SLC8A1: variants seen among roughly 807,000 people sequenced by gnomAD.
The protein encoded by SLC8A1 is solute carrier family 8 member A1.
SLC8A1 carries 18 observed loss-of-function variants against 68.3 expected under a neutral mutation model. That is an observed-to-expected ratio of 0.26 (90% confidence interval 0.18 to 0.39). The LOEUF is 0.39. Ranked by LOEUF, SLC8A1 falls within the 10% of genes least tolerant of loss-of-function variation. The pLI, the probability that SLC8A1 is intolerant of heterozygous loss-of-function variation, is 1.00. For synonymous variants in SLC8A1, 475 were observed against 415.5 expected, an observed-to-expected ratio of 1.14 and a Z score of -1.74; for missense variants, 985 against 1,156.7, an observed-to-expected ratio of 0.85 and a Z score of 2.15.
At chr2:40,140,040 C>T (rs1003429821) in intron 6 of SLC8A1, among the ~76,000 whole-genome samples, 3 of 152,118 alleles carry the variant, frequency 2.0e-5, no homozygotes, top group Admixed American at 6.6e-5. Context: ...GAGAAATAAC[C>T]CTCTTTTGAA....
exon 2 of SLC8A1, chr2:40,429,210 C>T (rs1309674920): frequency 6.2e-7 from 1 of 1,613,576 alleles, no homozygotes; most frequent in Non-Finnish European, 8.5e-7. Context: ...TACTTTTTTG[C>T]TGCTGACTTA....
At chr2:40,427,698 C>G (rs1026920281) in intron 2 of SLC8A1, among the ~76,000 whole-genome samples, 1 of 152,118 alleles carries the variant, frequency 6.6e-6, no homozygotes, top group African/African-American at 2.4e-5. Context: ...TAAAGTACCA[C>G]GAGGAAGAAT....
chr2:40,501,812 C>A (rs1432346570), intron 1 of SLC8A1, among the ~76,000 whole-genome samples: 2 of 152,016 alleles, frequency 1.3e-5, no homozygotes, highest in African/African-American at 4.8e-5. Context: ...CTGACAAAAG[C>A]TTTACAACAA....
intron 1 of SLC8A1, among the ~76,000 whole-genome samples, chr2:40,439,500 G>C (rs1007161456): frequency 2.0e-5 from 3 of 152,078 alleles, no homozygotes; most frequent in African/African-American, 7.2e-5. Flanking sequence ...CTTCTTTCTA[G>C]TCTGCCTCTT....
At chr2:40,313,900 G>C (rs1026751928) in intron 2 of SLC8A1, among the ~76,000 whole-genome samples, 41 of 151,934 alleles carry the variant, frequency 2.7e-4, no homozygotes, top group African/African-American at 8.4e-4. Context: ...GTTAAATTTT[G>C]AGCATTAATT....
At chr2:40,281,634 C>A (rs545215070) in intron 2 of SLC8A1, among the ~76,000 whole-genome samples, 2 of 152,322 alleles carry the variant, frequency 1.3e-5, no homozygotes, top group Admixed American at 1.3e-4. Context: ...TGATTTCAAG[C>A]CCTGCTCCCT....
At chr2:40,407,265 C>A (rs1690666135) in intron 2 of SLC8A1, among the ~76,000 whole-genome samples, 1 of 152,154 alleles carries the variant, frequency 6.6e-6, no homozygotes, top group South Asian at 2.1e-4. Context: ...AGGGTTTCAC[C>A]ATGTTGGCCA....
At chr2:40,178,946 AT>A (rs199927419) in intron 2 of SLC8A1, among the ~76,000 whole-genome samples, 27 of 152,068 alleles carry the variant, frequency 1.8e-4, no homozygotes, top group Non-Finnish European at 3.1e-4. Context: ...CTTACAGGTC[AT>A]TTTTTTTCCT....
chr2:40,421,472 T>C (rs1695488736), intron 2 of SLC8A1, among the ~76,000 whole-genome samples: 4 of 152,160 alleles, frequency 2.6e-5, no homozygotes, highest in Admixed American at 2.6e-4. Context: ...GGACCCCAGA[T>C]ATCTCATATG....
chr2:40,209,991 A>G (rs868596117), intron 2 of SLC8A1: 1 of 152,262 alleles, frequency 6.6e-6, no homozygotes, highest in Admixed American at 6.5e-5. Flanking sequence ...GGCAGCCTCT[A>G]TTGATTGATC....
chr2:40,353,420 C>T (rs1410159476), intron 2 of SLC8A1, among the ~76,000 whole-genome samples: 2 of 152,084 alleles, frequency 1.3e-5, no homozygotes, highest in African/African-American at 4.8e-5. Context: ...CGCAGGCTCT[C>T]CAAGGCCTGT....
At chr2:40,273,103 C>A (rs190920456) in intron 2 of SLC8A1, among the ~76,000 whole-genome samples, 17 of 152,114 alleles carry the variant, frequency 1.1e-4, no homozygotes, top group Admixed American at 7.2e-4. Context: ...CCACCAAGTC[C>A]GGCTAATTTT....
exon 8 of SLC8A1, chr2:40,099,482 T>C (rs1212181632): frequency 6.6e-6 from 1 of 152,036 alleles, no homozygotes. Context: ...ACTACGGGAA[T>C]ATTAGGATTT....
At chr2:40,257,826 C>T (rs1323236345) in intron 2 of SLC8A1, among the ~76,000 whole-genome samples, 1 of 152,192 alleles carries the variant, frequency 6.6e-6, no homozygotes, top group African/African-American at 2.4e-5. Context: ...GCTCTGTCTT[C>T]CTATCTGGTT....
chr2:40,366,175 C>T lies in SLC8A1; in HGVS notation c.1808+62298G>A, dbSNP rs552839494. Among the ~76,000 whole-genome samples, 346 of 152,128 alleles carry T rather than the reference C, an allele frequency of 2.3e-3. 1 individual carries two copies. The highest frequency in any genetic ancestry group is 6.8e-3 in the Middle Eastern group (2 of 294). ...TAAGAGCACCCACCTCATAAGGGCA[C>T]TGTCAAATGGGCTAATACACATGAG... On this transcript the variant is annotated intron_variant, in intron 2 of 7. Coordinates refer to ENST00000406785, the Ensembl canonical transcript of SLC8A1.
intron 2 of SLC8A1, among the ~76,000 whole-genome samples, chr2:40,306,474 TA>T (rs1256322821): frequency 6.6e-6 from 1 of 151,790 alleles, no homozygotes; most frequent in Admixed American, 6.6e-5. Flanking sequence ...TAGCGTGGAA[TA>T]TTTCAGTGCA....
intron 6 of SLC8A1, among the ~76,000 whole-genome samples, chr2:40,160,245 T>C (rs2045430431): frequency 6.6e-6 from 1 of 152,230 alleles, no homozygotes. Flanking sequence ...AATAAAACTC[T>C]GTACTTTGCT....
chr2:40,399,188 A>AT (rs1300337859), intron 2 of SLC8A1, among the ~76,000 whole-genome samples: 1 of 152,164 alleles, frequency 6.6e-6, no homozygotes, highest in Non-Finnish European at 1.5e-5. Context: ...ATGTTGAAAG[A>AT]TTTTTTATTA....
intron 7 of SLC8A1, among the ~76,000 whole-genome samples, chr2:40,119,821 T>C (rs1004319747): frequency 2.6e-5 from 4 of 152,246 alleles, no homozygotes; most frequent in African/African-American, 9.6e-5. Flanking sequence ...CATACAGTTT[T>C]AGACTTTTAG....
Sources: allele counts gnomAD v4.1 joint callset (sites outside exome capture counted in the v4.1 genomes callset), GRCh38; gene constraint gnomAD v4.1.1; transcripts MANE v1.5; gene names NCBI Gene and HGNC (gene_info 2026-07-23, HGNC 2026-07-21).